Variants in SLC6A2 observed in about 807,000 individuals in gnomAD.
SLC6A2 encodes solute carrier family 6 member 2, also known as sodium-dependent noradrenaline transporter.
In SLC6A2, 26 loss-of-function variants were observed where a neutral mutation model predicts 71.7. The ratio of observed to expected loss-of-function variants is 0.36; its 90% CI spans 0.27 to 0.50. The LOEUF (loss-of-function observed/expected upper bound fraction) is 0.50, where lower values mean the gene tolerates loss of function less well. Among genes scored for constraint, SLC6A2 ranks in the 20% least tolerant of loss-of-function variants. SLC6A2 has a pLI of 0.96. For synonymous variants in SLC6A2, 363 were observed against 337.9 expected (o/e 1.07, Z -0.82); for missense variants, 581 against 803.9 (o/e 0.72, Z 3.35).
At position 55,703,618 on chromosome 16, in the gene SLC6A2, C is replaced by T. The variant is rs1366575168; in HGVS notation, c.*1272C>T. On this transcript the variant is annotated 3_prime_UTR_variant, in exon 15 of 15. Coordinates refer to ENST00000568943, the MANE Select transcript of SLC6A2 (RefSeq NM_001172501.3). ...CTCTGGTGGTGTTTAGTTTTAGTTCCGTAAGAGAAATGATTCCTAGTTTGC... is the reference window on the plus strand; with the variant it reads ...CTCTGGTGGTGTTTAGTTTTAGTTCTGTAAGAGAAATGATTCCTAGTTTGC... 28 of 985,208 alleles carry T rather than the reference C, an allele frequency of 2.8e-5. No individual in the cohort carries two copies. The highest frequency in any genetic ancestry group is 1.9e-4 in the South Asian group (4 of 21,290). 61.0% of individuals were successfully genotyped at this position (985,208 alleles called of 1,614,324 possible).
intron 4 of SLC6A2, among the ~76,000 whole-genome samples, chr16:55,675,538 C>T (rs4783901): frequency 0.033 from 5,014 of 152,220 alleles, 117 homozygotes; most frequent in South Asian, 0.066. Flanking sequence ...GGCCTGGGGG[C>T]CGTGGTGTGC....
intron 2 of SLC6A2, among the ~76,000 whole-genome samples, chr16:55,663,797 A>G (rs1439778842): frequency 6.6e-6 from 1 of 151,972 alleles, no homozygotes; most frequent in East Asian, 1.9e-4. Flanking sequence ...CTGCTCCCTT[A>G]TCTCTCCAAG....
Position 55,705,425 on chromosome 16 carries a change from A to T in SLC6A2, c.*3079A>T. 2 of 597,136 alleles carry T rather than the reference A, an allele frequency of 3.3e-6. No homozygotes were observed. The highest frequency in any genetic ancestry group is 5.9e-6 in the Non-Finnish European group (2 of 341,788). 37.0% of individuals were successfully genotyped at this position (597,136 alleles called of 1,614,324 possible). A position where few individuals can be genotyped will look rare whatever the true frequency, so the allele number is the denominator to read the frequency against. On this transcript the variant is annotated 3_prime_UTR_variant, in exon 15 of 15. Transcript: ENST00000568943. ...ATTTCCTAGTAAAGAAGCCCATTGA[A>T]CTCACTTTATTTGTTTATTTCCTTC...
intron 5 of SLC6A2, among the ~76,000 whole-genome samples, chr16:55,691,504 T>C (rs1284049063): frequency 6.6e-6 from 1 of 152,206 alleles, no homozygotes; most frequent in African/African-American, 2.4e-5. Flanking sequence ...TCACCACCTC[T>C]CTAGGCTCTT....
chr16:55,688,840 A>T (rs2142572748), intron 5 of SLC6A2, among the ~76,000 whole-genome samples: 1 of 152,284 alleles, frequency 6.6e-6, no homozygotes, highest in East Asian at 1.9e-4. Context: ...TTCCCTTGAG[A>T]GAGCTCTATC....
At chr16:55,677,061 T>C (rs530070107) in intron 4 of SLC6A2, among the ~76,000 whole-genome samples, 1 of 152,288 alleles carries the variant, frequency 6.6e-6, no homozygotes, top group South Asian at 2.1e-4. Flanking sequence ...TTGGAAGCCC[T>C]TGTTTACACA....
chr16:55,677,525 A>G (rs866481312), intron 4 of SLC6A2, among the ~76,000 whole-genome samples: 1 of 152,024 alleles, frequency 6.6e-6, no homozygotes, highest in East Asian at 1.9e-4. Flanking sequence ...GAGAGGTGAG[A>G]TAGGTTTTGA....
Position 55,703,151 on chromosome 16 carries a change from G to T in SLC6A2, c.*805G>T. Reference sequence around the variant, plus strand: ...CACGTGGCAAGCCACATCTACTGAGGCCTCATGCTGCTCTTGCTCTGTAAG... The same window carrying T: ...CACGTGGCAAGCCACATCTACTGAGTCCTCATGCTGCTCTTGCTCTGTAAG... On this transcript the variant is annotated 3_prime_UTR_variant, in exon 15 of 15. Coordinates refer to ENST00000568943, the MANE Select transcript of SLC6A2 (RefSeq NM_001172501.3). The T allele has an allele frequency of 1.0e-6, 1 of 985,598 alleles. No individual in the cohort carries two copies. Among genetic ancestry groups the T allele is most frequent in the African/African-American group, 1.7e-5 (1 of 57,356 alleles). The allele number at this position is 985,598 out of a possible 1,614,324, so 61.1% of individuals were successfully genotyped here. A position where few individuals can be genotyped will look rare whatever the true frequency, so the allele number is the denominator to read the frequency against.
chr16:55,672,505 C>T (rs1409879698), intron 4 of SLC6A2, among the ~76,000 whole-genome samples: 1 of 152,108 alleles, frequency 6.6e-6, no homozygotes, highest in Non-Finnish European at 1.5e-5. Flanking sequence ...AGAACTGAAA[C>T]CAGGTATGTG....
intron 6 of SLC6A2, 39 bp downstream of exon 6, chr16:55,692,091 G>T (rs1440057026): frequency 1.7e-5 from 27 of 1,613,174 alleles, no homozygotes; most frequent in Non-Finnish European, 2.2e-5. Context: ...GGCCAGGCTT[G>T]TGGGAGGGTT....
chr16:55,684,404 G>A (rs1270362915), intron 4 of SLC6A2, among the ~76,000 whole-genome samples: 1 of 152,076 alleles, frequency 6.6e-6, no homozygotes. Flanking sequence ...GCGATTTGGG[G>A]TTATTATGAA....
rs1964468462 is a variant in SLC6A2, at chr16:55,656,851, G to A, written c.157G>A (p.Ala53Thr). 1.2e-6 allele frequency: 2 copies of A among 1,613,776 alleles called. No individual in the cohort carries two copies. Among genetic ancestry groups the A allele is most frequent in the South Asian group, 1.1e-5 (1 of 91,064 alleles). Residue 53 changes from alanine to threonine, a missense_variant, in exon 2 of 15, where the codon GCG becomes ACG. Transcript: ENST00000568943. The surrounding 1 kb of genome is among the most constrained non-coding windows in gnomAD (Gnocchi z 4.5). The stretch of plus-strand genomic sequence containing the variant: ...CCTGCTGGCGCCCCGCGACGGCGAC[G>A]CGCAGCCCCGGGAGACCTGGGGCAA... Reference protein sequence around the residue: ...QCLLAPRDGDAQPRETWGKKI... With the variant: ...QCLLAPRDGDTQPRETWGKKI...
chr16:55,688,761 T>C (rs1181302407), intron 5 of SLC6A2, among the ~76,000 whole-genome samples: 1 of 152,218 alleles, frequency 6.6e-6, no homozygotes, highest in African/African-American at 2.4e-5. Flanking sequence ...ATTTTCTCGA[T>C]GCCTGGATTC....
At chr16:55,700,843 A>T (rs1233616799) in intron 13 of SLC6A2, among the ~76,000 whole-genome samples, 1 of 151,842 alleles carries the variant, frequency 6.6e-6, no homozygotes, top group Non-Finnish European at 1.5e-5. Context: ...ATATATGTAC[A>T]TGTGTGTGTA....
At chr16:55,657,920 A>G (rs911511093) in intron 2 of SLC6A2, among the ~76,000 whole-genome samples, 1 of 75,754 alleles carries the variant, frequency 1.3e-5, no homozygotes, top group East Asian at 3.8e-4. Flanking sequence ...TGCTCCTGCC[A>G]CTTTTGCTGG....
At chr16:55,691,222 G>A (rs549096199) in intron 5 of SLC6A2, among the ~76,000 whole-genome samples, 75 of 128,028 alleles carry the variant, frequency 5.9e-4, no homozygotes, top group African/African-American at 1.5e-3. Flanking sequence ...GGGGGGGAGG[G>A]GAGAGGGGGA....
Position 55,679,827 on chromosome 16 carries a change from G to A in SLC6A2, c.645-5316G>A, listed in dbSNP as rs184343797. 2.8e-3 allele frequency among the ~76,000 whole-genome samples: 422 copies of A among 152,296 alleles called. 3 individuals are homozygous for A. Among genetic ancestry groups the A allele is most frequent in the African/African-American group, 9.2e-3 (384 of 41,544 alleles). Reference sequence around the variant, plus strand: ...GCCAGGGATGAACTTGGCACGGGATGGACTGTGGAAGGCCTCAGATTCTGA... The same window carrying A: ...GCCAGGGATGAACTTGGCACGGGATAGACTGTGGAAGGCCTCAGATTCTGA... On this transcript the variant is annotated intron_variant, in intron 4 of 14. Coordinates refer to ENST00000568943, the MANE Select transcript of SLC6A2 (RefSeq NM_001172501.3).
intron 5 of SLC6A2, among the ~76,000 whole-genome samples, chr16:55,686,894 T>G (rs1965468724): frequency 6.6e-6 from 1 of 152,184 alleles, no homozygotes; most frequent in Non-Finnish European, 1.5e-5. Context: ...ATTGGGTAAT[T>G]GAAGGATGGG....
Position 55,702,824 on chromosome 16 carries a change from A to G in SLC6A2, c.*478A>G. On this transcript the variant is annotated 3_prime_UTR_variant, in exon 15 of 15. Transcript: ENST00000568943. ...GTTTAGTGGGGTGGTTGGGGAAGGT[A>G]CATAGACCCTCCTCTTGCCCACCCT... 1 of 1,021,474 alleles carries G rather than the reference A, an allele frequency of 9.8e-7. No homozygotes were observed. The highest frequency in any genetic ancestry group is 1.2e-6 in the Non-Finnish European group (1 of 851,852). 63.3% of individuals were successfully genotyped at this position (1,021,474 alleles called of 1,614,324 possible). A position where few individuals can be genotyped will look rare whatever the true frequency, so the allele number is the denominator to read the frequency against.
Sources: gnomAD v4.1 joint callset for allele counts (sites outside exome capture counted in the v4.1 genomes callset) on GRCh38, gnomAD v4.1.1 for gene constraint, Gnocchi (gnomAD v3.1) non-coding constraint, MANE v1.5 for transcripts, NCBI Gene and HGNC (gene_info 2026-07-23, HGNC 2026-07-21) for gene names.